The following MTSS1 variants were observed in gnomAD, a reference collection of about 807,000 sequenced individuals.
MTSS1 encodes the protein MTSS I-BAR domain containing 1.
MTSS1 carries 18 observed loss-of-function variants against 79.0 expected under a neutral mutation model. The ratio of observed to expected loss-of-function variants is 0.23; its 90% confidence interval spans 0.16 to 0.34. The LOEUF (loss-of-function observed/expected upper bound fraction) is 0.34, where lower values mean the gene tolerates loss of function less well. Among genes scored for constraint, MTSS1 ranks in the 10% least tolerant of loss-of-function variants. The pLI, the probability that MTSS1 is intolerant of heterozygous loss-of-function variation, is 1.00. For missense variants in MTSS1, 815 were observed against 986.2 expected (o/e 0.83, Z 2.33); for synonymous variants, 341 against 368.6 (o/e 0.93, Z 0.86).
intron 3 of MTSS1, among the ~76,000 whole-genome samples, chr8:124,696,545 C>T (rs1828853909): frequency 6.6e-6 from 1 of 151,958 alleles, no homozygotes; most frequent in South Asian, 2.1e-4. Context: ...GATCTGAAAT[C>T]CCATGGTCTA....
rs141071216 is a variant in MTSS1, at chr8:124,637,656, G to A, written c.209-46421C>T. ...CAGGAAACAGGTGGTCACCTCCTCC[G>A]TTCACACCCTAGAAGGGGTGGAATT... is the stretch of plus-strand genomic sequence containing the variant. On this transcript the variant is annotated intron_variant, in intron 3 of 13. Transcript: ENST00000518547. Among the ~76,000 whole-genome samples the A allele has an allele frequency of 3.8e-3, 583 of 152,264 alleles. 5 individuals are homozygous for A. Among genetic ancestry groups the A allele is most frequent in the African/African-American group, 0.013 (531 of 41,532 alleles).
intron 3 of MTSS1, among the ~76,000 whole-genome samples, chr8:124,665,130 G>A (rs1163457847): frequency 6.6e-6 from 1 of 152,170 alleles, no homozygotes; most frequent in Non-Finnish European, 1.5e-5. Context: ...GTTTGTACCA[G>A]ATAATCTGGT....
rs528828920 is a variant in MTSS1, at chr8:124,722,499, T to C, written c.72+5385A>G. Among the ~76,000 whole-genome samples, 4 of 152,350 alleles carry C rather than the reference T, an allele frequency of 2.6e-5. No individual in the cohort carries two copies. The East Asian group carries it at 7.7e-4, about 29-fold the overall frequency. On this transcript the variant is annotated intron_variant, in intron 1 of 13. Transcript: ENST00000518547. The stretch of plus-strand genomic sequence containing the variant: ...GTTTCTGATTTGCCTTGGTGGCTCA[T>C]ACTCAGATGAAACCTGCAGTCTACT...
intron 3 of MTSS1, among the ~76,000 whole-genome samples, chr8:124,609,731 T>G (rs1376368339): frequency 6.6e-6 from 1 of 152,240 alleles, no homozygotes. Context: ...CAACTACGTG[T>G]GAGCCATTCC....
intron 3 of MTSS1, among the ~76,000 whole-genome samples, chr8:124,697,396 CT>C (rs1419114809): frequency 6.6e-6 from 1 of 151,764 alleles, no homozygotes; most frequent in Non-Finnish European, 1.5e-5. Flanking sequence ...CCCATCTCTA[CT>C]AAAAATACAA....
chr8:124,703,313 G>A (rs910513781), intron 2 of MTSS1, among the ~76,000 whole-genome samples: 2 of 152,096 alleles, frequency 1.3e-5, no homozygotes, highest in Non-Finnish European at 2.9e-5. Flanking sequence ...TTCTTTTGAG[G>A]TGGACTCTTG....
intron 10 of MTSS1, among the ~76,000 whole-genome samples, chr8:124,561,405 C>T (rs751621740): frequency 7.9e-5 from 12 of 152,152 alleles, no homozygotes; most frequent in Admixed American, 5.9e-4. Context: ...GGTGACAAAG[C>T]GAGACTGTCT....
rs368513407 is a variant in MTSS1 at position 124,697,416 on chromosome 8, C to T, written c.208+2110G>A. ...CTCTACTAAAAATACAAAAATTAGTCGGGCGTGGTGGCACATGCCTGTAAT... is the reference window on the plus strand; with the variant it reads ...CTCTACTAAAAATACAAAAATTAGTTGGGCGTGGTGGCACATGCCTGTAAT... On this transcript the variant is annotated intron_variant, in intron 3 of 13. Coordinates refer to ENST00000518547, the MANE Select transcript of MTSS1 (RefSeq NM_014751.6). Among the ~76,000 whole-genome samples, 225 of 152,016 alleles carry T rather than the reference C, an allele frequency of 1.5e-3. 1 individual carries two copies. The highest frequency in any genetic ancestry group is 5.1e-3 in the African/African-American group (213 of 41,474).
intron 9 of MTSS1, chr8:124,563,214 C>G: frequency 1.8e-6 from 1 of 561,170 alleles, no homozygotes; most frequent in Non-Finnish European, 3.2e-6. Context: ...CCAGGTGACC[C>G]AGGGGGAAAT....
At chr8:124,648,899 CG>C (rs943216376) in intron 3 of MTSS1, among the ~76,000 whole-genome samples, 9 of 152,166 alleles carry the variant, frequency 5.9e-5, no homozygotes, top group African/African-American at 2.2e-4. Flanking sequence ...GGGGTCCACC[CG>C]GGACTACCCT....
At chr8:124,630,376 G>A (rs1000296198) in intron 3 of MTSS1, among the ~76,000 whole-genome samples, 1 of 152,118 alleles carries the variant, frequency 6.6e-6, no homozygotes. Flanking sequence ...TGGGGGTGGG[G>A]TGGGAGCAGG....
chr8:124,651,166 A>G (rs1019521129), intron 3 of MTSS1, among the ~76,000 whole-genome samples: 2 of 152,226 alleles, frequency 1.3e-5, no homozygotes, highest in African/African-American at 4.8e-5. Flanking sequence ...CATGCATTAC[A>G]GCAATTTAAA....
chr8:124,720,838 C>T (rs1422020717), intron 1 of MTSS1, among the ~76,000 whole-genome samples: 1 of 152,200 alleles, frequency 6.6e-6, no homozygotes, highest in Non-Finnish European at 1.5e-5. Context: ...AGTGGACGTT[C>T]GCCAGGCAAT....
Position 124,717,668 on chromosome 8 carries a change from T to C in MTSS1, c.72+10216A>G, listed in dbSNP as rs184322990. Among the ~76,000 whole-genome samples the C allele has an allele frequency of 1.6e-4, 24 of 152,122 alleles. 1 individual carries two copies. The highest frequency in any genetic ancestry group is 1.3e-3 in the Admixed American group (20 of 15,270). Reference sequence around the variant, plus strand: ...GAGATCGCGCCACTGCATACTCCGGTCTGGGGGACAGAGCAAGACTCCATC... The same window carrying C: ...GAGATCGCGCCACTGCATACTCCGGCCTGGGGGACAGAGCAAGACTCCATC... On this transcript the variant is annotated intron_variant, in intron 1 of 13. Coordinates refer to ENST00000518547, the MANE Select transcript of MTSS1 (RefSeq NM_014751.6).
At chr8:124,712,622 A>G (rs1831334623) in intron 1 of MTSS1, among the ~76,000 whole-genome samples, 1 of 152,210 alleles carries the variant, frequency 6.6e-6, no homozygotes, top group African/African-American at 2.4e-5. Flanking sequence ...CCCATCCATC[A>G]TAAATACCAT....
intron 3 of MTSS1, among the ~76,000 whole-genome samples, chr8:124,638,814 G>A (rs1415056244): frequency 1.3e-5 from 2 of 152,148 alleles, no homozygotes; most frequent in African/African-American, 4.8e-5. Flanking sequence ...GAGCAGAGGA[G>A]GAGGCTTTTC....
rs574637341 is a variant in MTSS1 at position 124,557,290 on chromosome 8, C to T, written c.1230+391G>A. Among the ~76,000 whole-genome samples the T allele has an allele frequency of 2.0e-5, 3 of 152,312 alleles. No individual in the cohort carries two copies. In the East Asian group the frequency reaches 5.8e-4, roughly 29 times the overall value. ...GGCCAGAAGGAAAGTCCCCCCTAAA[C>T]CCCCTAGAAGCTCTGATCATGCTGA... On this transcript the variant is annotated intron_variant, in intron 11 of 13. Coordinates refer to ENST00000518547, the MANE Select transcript of MTSS1 (RefSeq NM_014751.6).
Position 124,557,143 on chromosome 8 carries a change from C to A in MTSS1, c.1230+538G>T, listed in dbSNP as rs538711248. Among the ~76,000 whole-genome samples, 10 of 152,318 alleles carry A rather than the reference C, an allele frequency of 6.6e-5. No individual in the cohort carries two copies. The East Asian group carries it at 1.9e-3, about 29-fold the overall frequency. ...ATTAAAGCAAACATGTTTGAACACT[C>A]AAGACTAAAACTAAAGTCTGCGTGT... On this transcript the variant is annotated intron_variant, in intron 11 of 13. Coordinates refer to ENST00000518547, the MANE Select transcript of MTSS1 (RefSeq NM_014751.6).
chr8:124,622,032 T>C (rs183431918), intron 3 of MTSS1, among the ~76,000 whole-genome samples: 2 of 147,554 alleles, frequency 1.4e-5, no homozygotes, highest in East Asian at 2.0e-4. Flanking sequence ...GATGAATGAG[T>C]AAGGAAAGTG....
Sources: gnomAD v4.1 joint callset for allele counts (sites outside exome capture counted in the v4.1 genomes callset) on GRCh38, gnomAD v4.1.1 for gene constraint, MANE v1.5 for transcripts, NCBI Gene and HGNC (gene_info 2026-07-23, HGNC 2026-07-21) for gene names.